The following XRCC5 variants were observed in gnomAD, a reference collection of about 807,000 sequenced individuals.
XRCC5 encodes the protein DNA repair protein Ku80.
A neutral mutation model predicts 95.7 loss-of-function variants in XRCC5; 12 were observed. That is an observed-to-expected ratio of 0.13 (90% confidence interval 0.08 to 0.20). The LOEUF (loss-of-function observed/expected upper bound fraction) is 0.20, where lower values mean the gene tolerates loss of function less well. Ranked by LOEUF, XRCC5 falls within the 10% of genes least tolerant of loss-of-function variation. XRCC5 has a pLI of 1.00. For missense variants in XRCC5, 595 were observed against 873.9 expected (o/e 0.68, Z 4.02); for synonymous variants, 281 against 290.3 (o/e 0.97, Z 0.33).
At chr2:216,178,989 A>G (rs978297018) in intron 16 of XRCC5, among the ~76,000 whole-genome samples, 11 of 152,216 alleles carry the variant, frequency 7.2e-5, no homozygotes, top group African/African-American at 2.7e-4. Context: ...TAAACAAATA[A>G]GAAAATATAT....
At position 216,166,367 on chromosome 2, in the gene XRCC5, C is replaced by T. The variant is rs112864062; in HGVS notation, c.1834+4319C>T. 1.4e-3 allele frequency among the ~76,000 whole-genome samples: 217 copies of T among 152,276 alleles called. 1 individual carries two copies. Among genetic ancestry groups the T allele is most frequent in the African/African-American group, 4.9e-3 (205 of 41,550 alleles). On this transcript the variant is annotated intron_variant, in intron 16 of 20. Coordinates refer to ENST00000392132, the MANE Select transcript of XRCC5 (RefSeq NM_021141.4). ...GAACTCCTGAGTTCAAGCGATCTGC[C>T]TGCCTTGGCCTCCCAAAGTGCTGGG... is the stretch of plus-strand genomic sequence containing the variant.
intron 2 of XRCC5, among the ~76,000 whole-genome samples, chr2:216,114,756 G>A (rs41297748): frequency 0.01 from 1,531 of 152,236 alleles, 13 homozygotes; most frequent in Middle Eastern, 0.034. Flanking sequence ...AATCCTTAAG[G>A]TTTCGAGCAT....
At chr2:216,182,869 G>C (rs537423651) in intron 16 of XRCC5, among the ~76,000 whole-genome samples, 15 of 152,110 alleles carry the variant, frequency 9.9e-5, no homozygotes, top group African/African-American at 3.6e-4. Flanking sequence ...GTTTTTTAAT[G>C]GTTAAACTGA....
intron 4 of XRCC5, among the ~76,000 whole-genome samples, 153 bp from the exon 5 acceptor site, chr2:216,118,890 T>C (rs1696750645): frequency 6.6e-6 from 1 of 152,248 alleles, no homozygotes; most frequent in Admixed American, 6.5e-5. Flanking sequence ...ATTATGAATT[T>C]AATAAGAACT....
At chr2:216,161,646 G>A (rs1688954141) in intron 15 of XRCC5, among the ~76,000 whole-genome samples, 2 of 152,208 alleles carry the variant, frequency 1.3e-5, no homozygotes, top group Admixed American at 6.5e-5. Flanking sequence ...TAATTGGTTG[G>A]GTGACAGGAT....
rs1696985006 is a variant in XRCC5 at position 216,130,884 on chromosome 2, A to G, written c.947A>G (p.Tyr316Cys). The change falls in exon 9 of 21, where the codon TAT becomes TGT. Residue 316 changes from tyrosine (Y) to cysteine (C), a missense_variant. By Grantham distance (194) the Tyr-to-Cys change is radical. This residue lies in a region of XRCC5 where 286 missense variants were observed against 491.1 expected (regional missense o/e 0.58). Coordinates refer to ENST00000392132, the MANE Select transcript of XRCC5 (RefSeq NM_021141.4). ...LKEDIIQGFR[Y>C]GSDIVPFSKV... ...TTCTCTTTTTCTCCAGGGTTCCGCTATGGAAGTGATATAGTTCCTTTCTCT... is the reference window on the plus strand; with the variant it reads ...TTCTCTTTTTCTCCAGGGTTCCGCTGTGGAAGTGATATAGTTCCTTTCTCT... 1.2e-6 allele frequency: 2 copies of G among 1,608,034 alleles called. No individual in the cohort carries two copies. The highest frequency in any genetic ancestry group is 1.7e-6 in the Non-Finnish European group (2 of 1,177,784).
At chr2:216,185,925 A>G (rs1031261247) in intron 16 of XRCC5, among the ~76,000 whole-genome samples, 22 of 152,226 alleles carry the variant, frequency 1.4e-4, no homozygotes, top group Non-Finnish European at 2.9e-4. Flanking sequence ...GCGACTGGCC[A>G]TAAATTTGTT....
intron 19 of XRCC5, among the ~76,000 whole-genome samples, chr2:216,196,994 A>T (rs927497929): frequency 1.4e-4 from 22 of 152,314 alleles, no homozygotes; most frequent in African/African-American, 5.3e-4. Flanking sequence ...GACAGTACAT[A>T]CTAGAGTTTT....
At chr2:216,143,603 CTA>C (rs958776066) in intron 13 of XRCC5, among the ~76,000 whole-genome samples, 2 of 151,302 alleles carry the variant, frequency 1.3e-5, no homozygotes, top group Admixed American at 1.3e-4. Flanking sequence ...TGTGGCTTAT[CTA>C]TATAAAGAAG....
chr2:216,132,539 G>A, intron 10 of XRCC5, 152 bp downstream of exon 10: 2 of 765,512 alleles, frequency 2.6e-6, no homozygotes, highest in South Asian at 1.6e-5. Context: ...AAATGGAGAT[G>A]TGGTAAATGG....
At chr2:216,138,364 G>A (rs113210273) in intron 12 of XRCC5, among the ~76,000 whole-genome samples, 185 bp downstream of exon 12, 1 of 152,192 alleles carries the variant, frequency 6.6e-6, no homozygotes, top group Admixed American at 6.5e-5. Context: ...AGTAGGGATA[G>A]GTTTGCCTTA....
chr2:216,124,143 G>C (rs1696867744), intron 6 of XRCC5, among the ~76,000 whole-genome samples: 1 of 152,232 alleles, frequency 6.6e-6, no homozygotes, highest in African/African-American at 2.4e-5. Flanking sequence ...ATTGCAGAAA[G>C]TTGTACTGGA....
At chr2:216,143,653 T>C (rs1486065954) in intron 13 of XRCC5, among the ~76,000 whole-genome samples, 3 of 152,132 alleles carry the variant, frequency 2.0e-5, no homozygotes, top group East Asian at 1.9e-4. Context: ...AAAAAACTTA[T>C]TTATTGAGTA....
rs2106044608 is a variant in XRCC5, at chr2:216,187,641, T to C, written c.1835-2584T>C. 2.0e-5 allele frequency among the ~76,000 whole-genome samples: 3 copies of C among 152,192 alleles called. No homozygotes were observed. In the South Asian group the frequency reaches 6.2e-4, roughly 32 times the overall value. ...AGTTGTTTCATGGGCTCCCAGCTCT[T>C]AGGATTCCCTACGTTTCTATCCTTA... On this transcript the variant is annotated intron_variant, in intron 16 of 20. Transcript: ENST00000392132.
chr2:216,142,825 T>C lies in XRCC5; in HGVS notation c.1476+1506T>C, dbSNP rs141089646. Reference sequence around the variant, plus strand: ...CTGCCTGTTTTTTTGATGCTTGTAATTCTTTTAAGTAGTGAAAAAAATCTT... The same window carrying C: ...CTGCCTGTTTTTTTGATGCTTGTAACTCTTTTAAGTAGTGAAAAAAATCTT... On this transcript the variant is annotated intron_variant, in intron 13 of 20. Transcript: ENST00000392132. 3.6e-4 allele frequency among the ~76,000 whole-genome samples: 55 copies of C among 152,302 alleles called. No homozygotes were observed. In the East Asian group the frequency reaches 9.6e-3, roughly 27 times the overall value.
At chr2:216,170,647 A>G (rs541050901) in intron 16 of XRCC5, among the ~76,000 whole-genome samples, 2 of 152,304 alleles carry the variant, frequency 1.3e-5, no homozygotes, top group African/African-American at 4.8e-5. Context: ...CACAAATCCA[A>G]ACCATATCAT....
chr2:216,161,411 C>G (rs887148226), intron 15 of XRCC5, among the ~76,000 whole-genome samples: 3 of 152,160 alleles, frequency 2.0e-5, no homozygotes, highest in African/African-American at 7.2e-5. Flanking sequence ...CTTCCTCACC[C>G]AGCACTGCAG....
Position 216,204,423 on chromosome 2 carries a change from G to T in XRCC5, c.2184+27G>T, listed in dbSNP as rs764119975. The T allele has an allele frequency of 7.4e-6, 12 of 1,612,646 alleles. No individual in the cohort carries two copies. In the East Asian group the frequency reaches 2.7e-4, roughly 36 times the overall value. ...TAAGTACTTTTAATATGCACCTGGT[G>T]TTCTATGATTGAAGTCACCTGAGCT... On this transcript the variant is annotated intron_variant, in intron 20 of 20. Coordinates refer to ENST00000392132, the MANE Select transcript of XRCC5 (RefSeq NM_021141.4).
At chr2:216,179,669 T>G (rs1357886300) in intron 16 of XRCC5, among the ~76,000 whole-genome samples, 7 of 152,106 alleles carry the variant, frequency 4.6e-5, no homozygotes, top group African/African-American at 1.7e-4. Flanking sequence ...TGACTATGCT[T>G]GGCTAGAAGC....
Sources: allele counts gnomAD v4.1 joint callset (sites outside exome capture counted in the v4.1 genomes callset), GRCh38; gene constraint gnomAD v4.1.1; regional missense constraint gnomAD v4.1.1; transcripts MANE v1.5; gene names NCBI Gene and HGNC (gene_info 2026-07-23, HGNC 2026-07-21).